ASXL2: variants seen among roughly 807,000 people sequenced by gnomAD.
ASXL2 encodes putative Polycomb group protein ASXL2.
In ASXL2, 23 loss-of-function variants were observed where a neutral mutation model predicts 122.0. That is an observed-to-expected ratio of 0.19 (90% CI 0.14 to 0.27). The LOEUF (loss-of-function observed/expected upper bound fraction) is 0.27. Ranked by LOEUF, ASXL2 falls within the 10% of genes least tolerant of loss-of-function variation. The pLI is 1.00. For synonymous variants in ASXL2, 650 were observed against 637.0 expected, an observed-to-expected ratio of 1.02 and a Z score of -0.31; for missense variants, 1,518 against 1,713.8, an observed-to-expected ratio of 0.89 and a Z score of 2.02.
At chr2:25,825,374 G>A (rs1165890360) in intron 3 of ASXL2, among the ~76,000 whole-genome samples, 2 of 152,102 alleles carry the variant, frequency 1.3e-5, no homozygotes, top group Non-Finnish European at 2.9e-5. Flanking sequence ...GTAGTGTTAA[G>A]TACAGTCACC....
intron 1 of ASXL2, chr2:25,856,561 G>A (rs2089781090): frequency 3.5e-6 from 4 of 1,140,362 alleles, no homozygotes; most frequent in Non-Finnish European, 4.0e-6. Context: ...TTCGCCAGAC[G>A]CTCCAAGGGG....
At chr2:25,769,177 T>C (rs1276531659) in intron 6 of ASXL2, among the ~76,000 whole-genome samples, 6 of 152,164 alleles carry the variant, frequency 3.9e-5, no homozygotes, top group Admixed American at 3.9e-4. Flanking sequence ...ATTAGCATTT[T>C]TTGGAACTTA....
intron 3 of ASXL2, chr2:25,822,478 G>A (rs2089324010): frequency 2.1e-6 from 1 of 477,206 alleles, no homozygotes; most frequent in Admixed American, 2.9e-5. Context: ...AATGCAGCCT[G>A]CTTCTGCAAA....
chr2:25,857,579 C>T (rs1422011427), intron 1 of ASXL2, among the ~76,000 whole-genome samples: 1 of 152,224 alleles, frequency 6.6e-6, no homozygotes, highest in East Asian at 1.9e-4. Flanking sequence ...GCACCATCTA[C>T]TCCACCAATG....
At chr2:25,746,559 G>A (rs2087945943) in intron 12 of ASXL2, among the ~76,000 whole-genome samples, 1 of 151,252 alleles carries the variant, frequency 6.6e-6, no homozygotes, top group Non-Finnish European at 1.5e-5. Context: ...AGGTGTTTAG[G>A]GGAATTTATA....
intron 2 of ASXL2, among the ~76,000 whole-genome samples, chr2:25,842,118 A>G (rs1574443407): frequency 6.6e-6 from 1 of 151,702 alleles, no homozygotes; most frequent in South Asian, 2.1e-4. Flanking sequence ...GTCTCAAAAA[A>G]AAAAGAAAAA....
chr2:25,866,446 A>T (rs1194257310), intron 1 of ASXL2, among the ~76,000 whole-genome samples: 1 of 152,124 alleles, frequency 6.6e-6, no homozygotes, highest in Non-Finnish European at 1.5e-5. Flanking sequence ...ATTTTCATAG[A>T]CAACTTTCAG....
At chr2:25,749,484 T>C (rs932479778) in intron 12 of ASXL2, among the ~76,000 whole-genome samples, 7 of 152,210 alleles carry the variant, frequency 4.6e-5, no homozygotes, top group Non-Finnish European at 8.8e-5. Context: ...ACCTTCCTTA[T>C]GCAAACATCA....
intron 1 of ASXL2, among the ~76,000 whole-genome samples, chr2:25,858,406 G>T (rs982869061): frequency 1.3e-5 from 2 of 149,726 alleles, no homozygotes; most frequent in Non-Finnish European, 3.0e-5. Context: ...CATCTCCATT[G>T]TGTCTACATT....
At chr2:25,791,360 G>A (rs902218275) in intron 5 of ASXL2, among the ~76,000 whole-genome samples, 9 of 151,716 alleles carry the variant, frequency 5.9e-5, no homozygotes, top group Admixed American at 3.9e-4. Context: ...GGTGGCGGGC[G>A]CCTATAATCC....
intron 9 of ASXL2, among the ~76,000 whole-genome samples, chr2:25,758,819 T>C (rs2088186471): frequency 6.6e-6 from 1 of 152,146 alleles, no homozygotes; most frequent in South Asian, 2.1e-4. Context: ...TCATACCATG[T>C]TGTATTGTCT....
At chr2:25,815,555 G>A (rs993849847) in intron 3 of ASXL2, among the ~76,000 whole-genome samples, 12 of 152,014 alleles carry the variant, frequency 7.9e-5, no homozygotes, top group Non-Finnish European at 1.2e-4. Context: ...AACTGTAAGC[G>A]AGCCAGACTC....
rs1297040511 is a variant in ASXL2 at position 25,734,591 on chromosome 2, A to G, written c.*7438T>C. On this transcript the variant is annotated 3_prime_UTR_variant, in exon 13 of 13. Transcript: ENST00000435504. Reference sequence around the variant, plus strand: ...AAGTATCTTCAGATATTTTGGTAACATTTAATGCACTGCTTTCTAATTGGG... The same window carrying G: ...AAGTATCTTCAGATATTTTGGTAACGTTTAATGCACTGCTTTCTAATTGGG... 6.6e-6 allele frequency: 1 copy of G among 152,232 alleles called. No individual in the cohort carries two copies. Among genetic ancestry groups the G allele is most frequent in the African/African-American group, 2.4e-5 (1 of 41,460 alleles). The allele number at this position is 152,232 out of a possible 1,614,324, so 9.4% of individuals were successfully genotyped here. A position where few individuals can be genotyped will look rare whatever the true frequency, so the allele number is the denominator to read the frequency against.
At chr2:25,782,747 G>A (rs926760937) in intron 5 of ASXL2, among the ~76,000 whole-genome samples, 2 of 152,130 alleles carry the variant, frequency 1.3e-5, no homozygotes, top group African/African-American at 4.8e-5. Flanking sequence ...TTTATTCAAA[G>A]ACCTTTTCAG....
At chr2:25,810,143 T>C (rs1381816838) in intron 3 of ASXL2, 2 of 561,358 alleles carry the variant, frequency 3.6e-6, no homozygotes, top group Admixed American at 1.9e-5. Flanking sequence ...AGTACTTTTC[T>C]TCAGCATCAC....
chr2:25,735,986 A>G lies in ASXL2; in HGVS notation c.*6043T>C, dbSNP rs938426261. On this transcript the variant is annotated 3_prime_UTR_variant, in exon 13 of 13. Transcript: ENST00000435504. ...AGAACTAAAAACATGCTGTATAGTC[A>G]CTACTTTAGGAAAACCTTTCTGCAA... The G allele has an allele frequency of 1.3e-5, 2 of 152,234 alleles. No individual in the cohort carries two copies. The highest frequency in any genetic ancestry group is 2.9e-5 in the Non-Finnish European group (2 of 68,034). The allele number at this position is 152,234 out of a possible 1,614,324, so 9.4% of individuals were successfully genotyped here. A position where few individuals can be genotyped will look rare whatever the true frequency, so the allele number is the denominator to read the frequency against.
rs1410083317 is a variant in ASXL2 at position 25,750,320 on chromosome 2, C to A, written c.1236G>T (p.Met412Ile). The A allele has an allele frequency of 6.8e-6, 11 of 1,613,978 alleles. No individual in the cohort carries two copies. The highest frequency in any genetic ancestry group is 9.3e-6 in the Non-Finnish European group (11 of 1,179,890). Residue 412 changes from methionine to isoleucine, a missense_variant, in exon 12 of 13, where the codon ATG (methionine) becomes ATT (isoleucine). Met to Ile is a conservative substitution (Grantham distance 10, BLOSUM62 1). Around this residue, in one of 8 missense-constraint regions of ASXL2, gnomAD observed 292 missense variants for 293.5 expected, o/e 1.00. Coordinates refer to ENST00000435504, the MANE Select transcript of ASXL2 (RefSeq NM_018263.6). ...KKTPAEQPKSMPVSEASLIRI... is the reference protein window; with the variant it reads ...KKTPAEQPKSIPVSEASLIRI... ...TGATAAGAGAGGCCTCTGACACAGG[C>A]ATGGATTTTGGTTGTTCAGCTGGGG... is the stretch of plus-strand genomic sequence containing the variant.
At chr2:25,877,419 G>A (rs1417417652) in intron 1 of ASXL2, among the ~76,000 whole-genome samples, 1 of 152,026 alleles carries the variant, frequency 6.6e-6, no homozygotes, top group African/African-American at 2.4e-5. Context: ...CAATTAGGGG[G>A]AAAATTGTTT....
intron 2 of ASXL2, among the ~76,000 whole-genome samples, chr2:25,839,540 T>C (rs996761704): frequency 1.6e-4 from 24 of 152,104 alleles, no homozygotes; most frequent in African/African-American, 5.5e-4. Context: ...GCCTAAGTCA[T>C]GTCCTCCCAT....
Sources: allele counts gnomAD v4.1 joint callset (sites outside exome capture counted in the v4.1 genomes callset), GRCh38; gene constraint gnomAD v4.1.1; regional missense constraint gnomAD v4.1.1; transcripts MANE v1.5; gene names NCBI Gene and HGNC (gene_info 2026-07-23, HGNC 2026-07-21).